DMD: variants seen among roughly 807,000 people sequenced by gnomAD.
The protein encoded by DMD is dystrophin.
DMD carries 63 observed loss-of-function variants against 330.1 expected under a neutral mutation model. That is an observed-to-expected ratio of 0.19 (90% confidence interval 0.16 to 0.24). The LOEUF (loss-of-function observed/expected upper bound fraction) is 0.24. Ranked by LOEUF, DMD falls within the 10% of genes least tolerant of loss-of-function variation. The pLI is 1.00. For missense variants in DMD, 3,344 were observed against 2,684.1 expected, an observed-to-expected ratio of 1.25 and a Z score of -5.43; for synonymous variants, 1,223 against 959.8, an observed-to-expected ratio of 1.27 and a Z score of -5.07.
intron 44 of DMD, among the ~76,000 whole-genome samples, chrX:32,190,550 T>TTAGATATATATA (rs1198323604): frequency 3.2e-4 from 20 of 62,520 alleles, no homozygotes; most frequent in Admixed American, 1.1e-3. Context: ...ATTTAAAATT[T>TTAGATATATATA]TATATATATA....
rs770708144 is a variant in DMD at position 32,276,382 on chromosome X, G to A, written c.6290+11147C>T. On this transcript the variant is annotated intron_variant, in intron 43 of 78. Transcript: ENST00000357033. ...AGGACTAGGGTGGCATGTGACCTAG[G>A]GAGACACCAGCTGGCATGGCTAAGG... 3.6e-5 allele frequency among the ~76,000 whole-genome samples: 4 copies of A among 112,444 alleles called. No individual in the cohort carries two copies. In the East Asian group the frequency reaches 1.1e-3, roughly 32 times the overall value.
chrX:31,636,026 T>C (rs2079394260), intron 54 of DMD, among the ~76,000 whole-genome samples: 1 of 111,909 alleles, frequency 8.9e-6, no homozygotes. Flanking sequence ...TGAAAACCAG[T>C]GTGGAGATTC....
chrX:32,614,456 G>A lies in DMD; in HGVS notation c.1332-3C>T. On this transcript the variant is annotated splice_region_variant and splice_polypyrimidine_tract_variant and intron_variant, in intron 11 of 78. Transcript: ENST00000357033. Reference sequence around the variant, plus strand: ...GATCCATTAAAACTCTATGTAAACTGAAAATTTGAAAGAAGCCTATTATGA... The same window carrying A: ...GATCCATTAAAACTCTATGTAAACTAAAAATTTGAAAGAAGCCTATTATGA... The A allele has an allele frequency of 1.7e-6, 2 of 1,199,900 alleles. No homozygotes were observed. Among genetic ancestry groups the A allele is most frequent in the Non-Finnish European group, 2.3e-6 (2 of 886,924 alleles).
chrX:32,639,313 G>A (rs1016313301), intron 11 of DMD, among the ~76,000 whole-genome samples: 4 of 111,055 alleles, frequency 3.6e-5, no homozygotes, highest in African/African-American at 1.3e-4. Context: ...TTCCACAGTT[G>A]GAAGTTGTGT....
At chrX:31,374,926 T>C (rs1440236292) in intron 60 of DMD, among the ~76,000 whole-genome samples, 1 of 111,566 alleles carries the variant, frequency 9.0e-6, no homozygotes, top group Non-Finnish European at 1.9e-5. Flanking sequence ...TTTGCATGCA[T>C]GGGCCACCTG....
intron 54 of DMD, among the ~76,000 whole-genome samples, chrX:31,652,918 C>G (rs1240484486): frequency 9.0e-6 from 1 of 110,637 alleles, no homozygotes; most frequent in Non-Finnish European, 1.9e-5. Context: ...AAATGATATA[C>G]TAAAAAAGTT....
chrX:32,964,623 G>T (rs1569546185), intron 2 of DMD, among the ~76,000 whole-genome samples: 1 of 110,586 alleles, frequency 9.0e-6, no homozygotes, highest in Non-Finnish European at 1.9e-5. Flanking sequence ...CAGGAGAATT[G>T]CTTGAACCTG....
intron 63 of DMD, among the ~76,000 whole-genome samples, chrX:31,223,925 A>C (rs1450987717): frequency 8.9e-6 from 1 of 112,622 alleles, no homozygotes; most frequent in Non-Finnish European, 1.9e-5. Flanking sequence ...CTAAGGTACA[A>C]TCATTCTAAT....
At chrX:33,243,316 G>T (rs56982145) in intron 1 of DMD, among the ~76,000 whole-genome samples, 215 of 111,737 alleles carry the variant, frequency 1.9e-3, no homozygotes, top group African/African-American at 6.7e-3. Context: ...TACTGAATTT[G>T]TTTATTATTT....
chrX:32,016,234 A>G (rs1217599050), intron 44 of DMD, among the ~76,000 whole-genome samples: 1 of 111,737 alleles, frequency 8.9e-6, no homozygotes, highest in East Asian at 2.8e-4. Flanking sequence ...ACTCTATTTC[A>G]CCTTAATGTC....
At chrX:32,442,257 T>G (rs1037498194) in intron 27 of DMD, among the ~76,000 whole-genome samples, 2 of 109,912 alleles carry the variant, frequency 1.8e-5, no homozygotes, top group Non-Finnish European at 3.8e-5. Flanking sequence ...AGACTCAAAA[T>G]AGAAGAAAAC....
chrX:31,704,958 C>T (rs577312927), intron 52 of DMD, among the ~76,000 whole-genome samples: 3 of 111,978 alleles, frequency 2.7e-5, no homozygotes, highest in East Asian at 2.8e-4. Flanking sequence ...TATGCTTTCA[C>T]GATAGACTCC....
At chrX:32,789,295 A>G (rs2075644646) in intron 7 of DMD, among the ~76,000 whole-genome samples, 1 of 112,500 alleles carries the variant, frequency 8.9e-6, no homozygotes, top group African/African-American at 3.2e-5. Flanking sequence ...GTAATTGAAG[A>G]TGTGAACAGC....
At chrX:32,734,926 A>C (rs2068232865) in intron 7 of DMD, among the ~76,000 whole-genome samples, 1 of 107,069 alleles carries the variant, frequency 9.3e-6, no homozygotes, top group African/African-American at 3.5e-5. Context: ...GCAATTAGGC[A>C]GGAGAAGGAA....
chrX:32,802,093 T>G (rs2076613257), intron 7 of DMD, among the ~76,000 whole-genome samples: 1 of 111,964 alleles, frequency 8.9e-6, no homozygotes, highest in Admixed American at 9.5e-5. Flanking sequence ...TATAAATTAC[T>G]TCGGGCAGTA....
Position 32,656,573 on chromosome X carries a change from G to A in DMD, c.961-11421C>T, listed in dbSNP as rs1357646112. 1.8e-5 allele frequency among the ~76,000 whole-genome samples: 2 copies of A among 111,963 alleles called. 1 individual carries two copies. The highest frequency in any genetic ancestry group is 5.6e-4 in the East Asian group (2 of 3,561). ...TGTATCTGTAAAAGCTTATATGTGA[G>A]TTTAAAATAAACTTTCTACTATAAA... On this transcript the variant is annotated intron_variant, in intron 9 of 78. Transcript: ENST00000357033.
chrX:33,218,165 CG>C (rs1219587477), intron 1 of DMD, among the ~76,000 whole-genome samples: 3 of 111,292 alleles, frequency 2.7e-5, no homozygotes, highest in African/African-American at 9.8e-5. Flanking sequence ...TTTTGTCAAA[CG>C]TTTTTTCCCC....
At chrX:31,894,316 C>A (rs923653009) in intron 47 of DMD, among the ~76,000 whole-genome samples, 1 of 111,946 alleles carries the variant, frequency 8.9e-6, no homozygotes, top group African/African-American at 3.2e-5. Flanking sequence ...GGACCTAGTG[C>A]AATGACCTAC....
intron 37 of DMD, among the ~76,000 whole-genome samples, chrX:32,354,339 A>AT (rs1052026948): frequency 9.0e-6 from 1 of 111,538 alleles, no homozygotes; most frequent in Non-Finnish European, 1.9e-5. Flanking sequence ...TCATTACAAT[A>AT]TTGATATAGA....
Sources: allele counts gnomAD v4.1 joint callset (sites outside exome capture counted in the v4.1 genomes callset), GRCh38; gene constraint gnomAD v4.1.1; transcripts MANE v1.5; gene names NCBI Gene and HGNC (gene_info 2026-07-23, HGNC 2026-07-21).